MSRA: variants seen among roughly 807,000 people sequenced by gnomAD.
MSRA encodes mitochondrial peptide methionine sulfoxide reductase.
Under a neutral mutation model 31.3 loss-of-function variants are expected in MSRA, and 54 were observed. That is an observed-to-expected ratio of 1.73 (90% CI 1.39 to 2.17). The LOEUF (loss-of-function observed/expected upper bound fraction) is 2.17. Ranked by LOEUF, MSRA falls within the 30% of genes most tolerant of loss-of-function variation. MSRA has a pLI of 0.00. For missense variants in MSRA, 507 were observed against 300.9 expected (o/e 1.69, Z -5.07); for synonymous variants, 169 against 116.5 (o/e 1.45, Z -2.90).
intron 1 of MSRA, among the ~76,000 whole-genome samples, chr8:10,207,548 G>T (rs1045398183): frequency 6.6e-6 from 1 of 152,144 alleles, no homozygotes; most frequent in Admixed American, 6.6e-5. Flanking sequence ...CTGGGTGTCG[G>T]GAGCCTTCAG....
chr8:10,358,619 G>T, intron 5 of MSRA, among the ~76,000 whole-genome samples: 1 of 103,196 alleles, frequency 9.7e-6, no homozygotes. Flanking sequence ...TTGAGACGGA[G>T]TCTCGCTCTG....
At chr8:10,304,033 G>A (rs1454440965) in intron 4 of MSRA, among the ~76,000 whole-genome samples, 1 of 152,174 alleles carries the variant, frequency 6.6e-6, no homozygotes, top group Non-Finnish European at 1.5e-5. Flanking sequence ...CCTCCCAGGT[G>A]CAAGCAGTTC....
chr8:10,416,331 C>T lies in MSRA; in HGVS notation c.544-11817C>T, dbSNP rs530593606. Among the ~76,000 whole-genome samples, 9 of 152,344 alleles carry T rather than the reference C, an allele frequency of 5.9e-5. No individual in the cohort carries two copies. The South Asian group carries it at 1.4e-3, about 25-fold the overall frequency. On this transcript the variant is annotated intron_variant, in intron 5 of 5. Transcript: ENST00000317173. ...TCTTCACAGAGAAATCTGCTCGCTTCGGCTGAACTGTGCTGACTTCCCAAC... is the reference window on the plus strand; with the variant it reads ...TCTTCACAGAGAAATCTGCTCGCTTTGGCTGAACTGTGCTGACTTCCCAAC...
At chr8:10,339,433 C>T (rs1803266764) in intron 5 of MSRA, among the ~76,000 whole-genome samples, 2 of 151,694 alleles carry the variant, frequency 1.3e-5, no homozygotes, top group South Asian at 2.1e-4. Flanking sequence ...TCAACATGTA[C>T]AGCACAAGTA....
At chr8:10,391,501 A>T (rs905331170) in intron 5 of MSRA, among the ~76,000 whole-genome samples, 1 of 152,222 alleles carries the variant, frequency 6.6e-6, no homozygotes, top group Non-Finnish European at 1.5e-5. Context: ...AGTTAAAACT[A>T]TGAAAATATT....
chr8:10,278,651 A>C (rs964806512), intron 3 of MSRA, among the ~76,000 whole-genome samples: 6 of 152,196 alleles, frequency 3.9e-5, no homozygotes, highest in Non-Finnish European at 8.8e-5. Flanking sequence ...GGCCACACTA[A>C]CTGTGAGAGA....
intron 2 of MSRA, among the ~76,000 whole-genome samples, chr8:10,243,596 A>G (rs1797453520): frequency 6.6e-6 from 1 of 152,218 alleles, no homozygotes; most frequent in South Asian, 2.1e-4. Context: ...TTCTTTAAAA[A>G]TGTAAATTTT....
intron 5 of MSRA, among the ~76,000 whole-genome samples, chr8:10,355,904 G>C (rs562420749): frequency 6.6e-6 from 1 of 152,318 alleles, no homozygotes; most frequent in African/African-American, 2.4e-5. Context: ...CGGGCTCCTG[G>C]AGTCTGAGCC....
chr8:10,346,558 C>A (rs1803788054), intron 5 of MSRA, among the ~76,000 whole-genome samples: 1 of 152,204 alleles, frequency 6.6e-6, no homozygotes, highest in Non-Finnish European at 1.5e-5. Context: ...GCCACTAGCC[C>A]TTGCGTTCGG....
intron 1 of MSRA, among the ~76,000 whole-genome samples, chr8:10,077,814 G>A (rs1223542410): frequency 6.6e-6 from 1 of 152,148 alleles, no homozygotes; most frequent in African/African-American, 2.4e-5. Context: ...TATCCATTTA[G>A]GAGGAGACTG....
chr8:10,380,577 A>G (rs1806007664), intron 5 of MSRA, among the ~76,000 whole-genome samples: 1 of 152,256 alleles, frequency 6.6e-6, no homozygotes, highest in Non-Finnish European at 1.5e-5. Flanking sequence ...AGTCCAAGAT[A>G]GAAATATGCA....
chr8:10,349,941 G>A (rs980625195), intron 5 of MSRA, among the ~76,000 whole-genome samples: 8 of 152,242 alleles, frequency 5.3e-5, no homozygotes, highest in South Asian at 4.1e-4. Context: ...TTCCAGAGAG[G>A]TGAACCCTCG....
intron 1 of MSRA, among the ~76,000 whole-genome samples, chr8:10,113,200 A>C (rs1309223220): frequency 6.8e-6 from 1 of 146,882 alleles, no homozygotes; most frequent in South Asian, 2.3e-4. Flanking sequence ...TGGAGACAGG[A>C]TATGGTGCTT....
chr8:10,130,023 A>G (rs1047036969), intron 1 of MSRA, among the ~76,000 whole-genome samples: 16 of 152,188 alleles, frequency 1.1e-4, no homozygotes, highest in Admixed American at 6.5e-5. Flanking sequence ...CAGTACCTAC[A>G]TCCCTTGGAA....
At chr8:10,303,827 C>G (rs1447146421) in intron 4 of MSRA, among the ~76,000 whole-genome samples, 1 of 152,234 alleles carries the variant, frequency 6.6e-6, no homozygotes, top group African/African-American at 2.4e-5. Context: ...TTTTTAGTTT[C>G]TATTACATGT....
chr8:10,168,108 T>C (rs541413318), intron 1 of MSRA, among the ~76,000 whole-genome samples: 1 of 152,332 alleles, frequency 6.6e-6, no homozygotes, highest in African/African-American at 2.4e-5. Flanking sequence ...CCTATGCTCC[T>C]TGTGCCTTAG....
At chr8:10,357,167 C>T (rs1248505221) in intron 5 of MSRA, among the ~76,000 whole-genome samples, 10 of 152,184 alleles carry the variant, frequency 6.6e-5, no homozygotes, top group Admixed American at 6.5e-4. Flanking sequence ...CGTTAACAGC[C>T]AATGATGCTT....
chr8:10,386,188 G>C (rs563469222), intron 5 of MSRA, among the ~76,000 whole-genome samples: 1 of 152,278 alleles, frequency 6.6e-6, no homozygotes, highest in East Asian at 1.9e-4. Context: ...ATGTATTCCA[G>C]TTTACAAACA....
intron 3 of MSRA, among the ~76,000 whole-genome samples, chr8:10,272,590 C>T (rs769879036): frequency 1.3e-5 from 2 of 152,236 alleles, no homozygotes; most frequent in Non-Finnish European, 2.9e-5. Flanking sequence ...AACACCCTCA[C>T]AGGGACACCC....
Sources: gnomAD v4.1 joint callset for allele counts (sites outside exome capture counted in the v4.1 genomes callset) on GRCh38, gnomAD v4.1.1 for gene constraint, MANE v1.5 for transcripts, NCBI Gene and HGNC (gene_info 2026-07-23, HGNC 2026-07-21) for gene names.